POU4F2: variants seen among roughly 807,000 people sequenced by gnomAD.
POU4F2 encodes the protein POU class 4 homeobox 2, also known as POU domain, class 4, transcription factor 2.
Under a neutral mutation model 21.5 loss-of-function variants are expected in POU4F2, and 10 were observed. The observed-to-expected ratio is 0.46, with a 90% CI of 0.29 to 0.79. The LOEUF is 0.79. POU4F2 is among the 30% of genes least tolerant of loss of function. POU4F2 has a pLI of 0.10. For missense variants in POU4F2, 623 were observed against 603.3 expected, an observed-to-expected ratio of 1.03 and a Z score of -0.34; for synonymous variants, 324 against 271.1, an observed-to-expected ratio of 1.20 and a Z score of -1.92.
In POU4F2 at chr4:146,640,252, T is replaced by G; in HGVS notation, c.674T>G (p.Met225Arg). The G allele has an allele frequency of 6.3e-7, 1 of 1,581,212 alleles. No homozygotes were observed. The highest frequency in any genetic ancestry group is 8.6e-7 in the Non-Finnish European group (1 of 1,168,632). The stretch of plus-strand genomic sequence containing the variant: ...GCTCACGCGCCGCACATGGCCACCA[T>G]GAACCCCATGCACCAAGCAGCGCTC... ...TPAHAPHMAT[M>R]NPMHQAALSM... Residue 225 changes from methionine (M) to arginine (R), a missense_variant, in exon 2 of 2, where the codon ATG becomes AGG. Met to Arg is a moderately conservative substitution (Grantham distance 91). Transcript: ENST00000281321. This position sits in a 1 kb window ranked among gnomAD's most constrained non-coding sequence, Gnocchi z 4.8.
chr4:146,640,996 C>G lies in POU4F2; in HGVS notation c.*188C>G. On this transcript the variant is annotated 3_prime_UTR_variant, in exon 2 of 2. Transcript: ENST00000281321. The surrounding 1 kb of genome is among the most constrained non-coding windows in gnomAD (Gnocchi z 4.8). ...AGCCGGTGAGAATGTGAAACAGTTT[C>G]TCAAAGGAAAGAATAACAAAAGATG... is the stretch of plus-strand genomic sequence containing the variant. The G allele has an allele frequency of 1.7e-6, 1 of 590,770 alleles. No homozygotes were observed. The highest frequency in any genetic ancestry group is 1.9e-5 in the African/African-American group (1 of 52,066). The allele number at this position is 590,770 out of a possible 1,614,324, so 36.6% of individuals were successfully genotyped here.
Position 146,641,591 on chromosome 4 carries a change from A to T in POU4F2, c.*783A>T, listed in dbSNP as rs1313884526. ...ATGTATAGCTAGTAACGTTCAAAAAATTTTGTTTGATGAGTTTACCGAATT... is the reference window on the plus strand; with the variant it reads ...ATGTATAGCTAGTAACGTTCAAAAATTTTTGTTTGATGAGTTTACCGAATT... On this transcript the variant is annotated 3_prime_UTR_variant, in exon 2 of 2. Coordinates refer to ENST00000281321, the MANE Select transcript of POU4F2 (RefSeq NM_004575.3). The T allele has an allele frequency of 6.6e-6, 1 of 152,626 alleles. No individual in the cohort carries two copies. Among genetic ancestry groups the T allele is most frequent in the Non-Finnish European group, 1.5e-5 (1 of 68,042 alleles). The allele number at this position is 152,626 out of a possible 1,614,324, so 9.5% of individuals were successfully genotyped here.
chr4:146,639,239 G>A lies in POU4F2; in HGVS notation c.99G>A (p.Ser33=), dbSNP rs746499405. The change falls in exon 1 of 2, where the codon TCG becomes TCA. Residue 33 remains serine, a synonymous_variant. Coordinates refer to ENST00000281321, the MANE Select transcript of POU4F2 (RefSeq NM_004575.3). ...AGTACTCGGCACTGCACAGCACCTCGCCGGGCTCCTCGGCTCCCATCGCGC... is the reference window on the plus strand; with the variant it reads ...AGTACTCGGCACTGCACAGCACCTCACCGGGCTCCTCGGCTCCCATCGCGC... ...EPKYSALHST[S]PGSSAPIAPS... is the part of the protein sequence containing the mutation. The A allele has an allele frequency of 3.8e-6, 6 of 1,591,274 alleles. No individual in the cohort carries two copies. The highest frequency in any genetic ancestry group is 2.4e-5 in the East Asian group (1 of 42,012).
At position 146,640,163 on chromosome 4, in the gene POU4F2, C is replaced by T. The variant is rs1325873990; in HGVS notation, c.585C>T (p.His195=). 1 of 1,593,218 alleles carries T rather than the reference C, an allele frequency of 6.3e-7. No individual in the cohort carries two copies. Among genetic ancestry groups the T allele is most frequent in the Non-Finnish European group, 8.5e-7 (1 of 1,176,126 alleles). Residue 195 remains histidine, a synonymous_variant, in exon 2 of 2, where the codon CAC becomes CAT. Coordinates refer to ENST00000281321, the MANE Select transcript of POU4F2 (RefSeq NM_004575.3). The surrounding 1 kb of genome is among the most constrained non-coding windows in gnomAD (Gnocchi z 4.8). ...CGCTGGAGGGCGAGCTGCTGGAGCA[C>T]CTGAGTCCCGGGCTGGCCCTGGGCG... ...HQALEGELLE[H]LSPGLALGAM...
chr4:146,639,236 C>T lies in POU4F2; in HGVS notation c.96C>T (p.Thr32=), dbSNP rs140261687. Residue 32 remains threonine, a synonymous_variant, in exon 1 of 2, where the codon ACC becomes ACT. Transcript: ENST00000281321. ...CCAAGTACTCGGCACTGCACAGCAC[C>T]TCGCCGGGCTCCTCGGCTCCCATCG... is the stretch of plus-strand genomic sequence containing the variant. ...VEPKYSALHS[T]SPGSSAPIAP... 2.0e-5 allele frequency: 32 copies of T among 1,592,128 alleles called. No individual in the cohort carries two copies. Among genetic ancestry groups the T allele is most frequent in the African/African-American group, 9.6e-5 (7 of 72,650 alleles).
At position 146,640,607 on chromosome 4, in the gene POU4F2, G is replaced by T. The variant is rs370767940; in HGVS notation, c.1029G>T (p.Ala343=). ...KLTKPELFNG[A]EKKRKRTSIA... ...CCAAGCCTGAACTCTTCAATGGCGC[G>T]GAGAAGAAGCGCAAGCGCACGTCCA... Residue 343 remains alanine, a synonymous_variant, in exon 2 of 2, where the codon GCG becomes GCT. Transcript: ENST00000281321. The surrounding 1 kb of genome is among the most constrained non-coding windows in gnomAD (Gnocchi z 4.8). 8.7e-6 allele frequency: 14 copies of T among 1,613,994 alleles called. No homozygotes were observed. The African/African-American group carries it at 1.6e-4, about 18-fold the overall frequency.
rs181533280 is a variant in POU4F2 at position 146,639,522 on chromosome 4, C to A, written c.288+94C>A. ...TTTTCATGTCTGCACAGCAAATCAC[C>A]CCACACCTCCAACCAATTTTCCCCT... On this transcript the variant is annotated intron_variant, in intron 1 of 1. Transcript: ENST00000281321. 63 of 1,423,710 alleles carry A rather than the reference C, an allele frequency of 4.4e-5. No homozygotes were observed. In the African/African-American group the frequency reaches 9.3e-4, roughly 21 times the overall value. 88.2% of individuals were successfully genotyped at this position (1,423,710 alleles called of 1,614,324 possible).
At chr4:146,639,834 A>G (rs768095718) in intron 1 of POU4F2, 33 bp from the exon 2 acceptor site, 6 of 1,510,062 alleles carry the variant, frequency 4.0e-6, no homozygotes, top group Non-Finnish European at 5.3e-6. Flanking sequence ...TTCCCTGCTG[A>G]GCGTAATGTG....
Position 146,640,709 on chromosome 4 carries a change from C to T in POU4F2, c.1131C>T (p.Ala377=), listed in dbSNP as rs1391595033. ...QPRPSSEKIA[A]IAEKLDLKKN... Reference sequence around the variant, plus strand: ...GGCCCTCCTCTGAAAAGATCGCCGCCATCGCGGAGAAGCTGGACCTGAAGA... The same window carrying T: ...GGCCCTCCTCTGAAAAGATCGCCGCTATCGCGGAGAAGCTGGACCTGAAGA... Residue 377 remains alanine (A), a synonymous_variant, in exon 2 of 2, where the codon GCC becomes GCT. Transcript: ENST00000281321. The surrounding 1 kb of genome is among the most constrained non-coding windows in gnomAD (Gnocchi z 4.8). 2 of 1,614,140 alleles carry T rather than the reference C, an allele frequency of 1.2e-6. No individual in the cohort carries two copies. The highest frequency in any genetic ancestry group is 2.7e-5 in the African/African-American group (2 of 74,954).
Position 146,640,295 on chromosome 4 carries a change from C to A in POU4F2, c.717C>A (p.His239Gln), listed in dbSNP as rs373594627. The A allele has an allele frequency of 1.8e-4, 286 of 1,562,974 alleles. 1 individual carries two copies. In the South Asian group the frequency reaches 3.3e-3, roughly 18 times the overall value. Residue 239 changes from histidine (H) to glutamine (Q), a missense_variant, in exon 2 of 2, where the codon CAC (histidine) becomes CAA (glutamine). Coordinates refer to ENST00000281321, the MANE Select transcript of POU4F2 (RefSeq NM_004575.3). The surrounding 1 kb of genome is among the most constrained non-coding windows in gnomAD (Gnocchi z 4.8). ...HQAALSMAHAHGLPSHMGCMS... is the reference protein window; with the variant it reads ...HQAALSMAHAQGLPSHMGCMS... ...CAGCGCTCAGCATGGCCCACGCGCA[C>A]GGGCTGCCGTCGCACATGGGCTGCA...
chr4:146,640,364 C>G lies in POU4F2; in HGVS notation c.786C>G (p.Ala262=). 6.3e-7 allele frequency: 1 copy of G among 1,597,770 alleles called. No individual in the cohort carries two copies. Among genetic ancestry groups the G allele is most frequent in the Non-Finnish European group, 8.5e-7 (1 of 1,174,590 alleles). ...ACCCGCGGGACCTGGAGGCATTCGCCGAGCGCTTCAAGCAGCGACGCATCA... is the reference window on the plus strand; with the variant it reads ...ACCCGCGGGACCTGGAGGCATTCGCGGAGCGCTTCAAGCAGCGACGCATCA... ...DADPRDLEAF[A]ERFKQRRIKL... Residue 262 remains alanine, a synonymous_variant, in exon 2 of 2, where the codon GCC becomes GCG. Transcript: ENST00000281321. The surrounding 1 kb of genome is among the most constrained non-coding windows in gnomAD (Gnocchi z 4.8).
Position 146,640,275 on chromosome 4 carries a change from C to G in POU4F2, c.697C>G (p.Leu233Val). The change falls in exon 2 of 2, where the codon CTC becomes GTC. Residue 233 changes from leucine to valine, a missense_variant. By Grantham distance (32) the Leu-to-Val change is conservative. Around this residue, in one of 3 missense-constraint regions of POU4F2, gnomAD observed 523 missense variants for 504.1 expected, o/e 1.04. Transcript: ENST00000281321. The surrounding 1 kb of genome is among the most constrained non-coding windows in gnomAD (Gnocchi z 4.8). ...ATMNPMHQAA[L>V]SMAHAHGLPS... Reference sequence around the variant, plus strand: ...CATGAACCCCATGCACCAAGCAGCGCTCAGCATGGCCCACGCGCACGGGCT... The same window carrying G: ...CATGAACCCCATGCACCAAGCAGCGGTCAGCATGGCCCACGCGCACGGGCT... 1 of 1,568,686 alleles carries G rather than the reference C, an allele frequency of 6.4e-7. No homozygotes were observed.
At chr4:146,639,735 A>C in intron 1 of POU4F2, 132 bp from the exon 2 acceptor site, 2 of 973,108 alleles carry the variant, frequency 2.1e-6, no homozygotes, top group Non-Finnish European at 2.9e-6. Context: ...CAGGATTATT[A>C]TTATTATTAT....
At position 146,640,564 on chromosome 4, in the gene POU4F2, C is replaced by T. The variant is rs1389662811; in HGVS notation, c.986C>T (p.Ser329Phe). Residue 329 changes from serine (S) to phenylalanine (F), a missense_variant, in exon 2 of 2, where the codon TCC becomes TTC. By Grantham distance (155) the Ser-to-Phe change is radical (BLOSUM62 -2). Coordinates refer to ENST00000281321, the MANE Select transcript of POU4F2 (RefSeq NM_004575.3). This position sits in a 1 kb window ranked among gnomAD's most constrained non-coding sequence, Gnocchi z 4.8. Reference protein sequence around the residue: ...LQAWLEEAEKSHREKLTKPEL... With the variant: ...LQAWLEEAEKFHREKLTKPEL... ...GCATGGCTCGAGGAGGCCGAGAAGT[C>T]CCACCGCGAGAAGCTCACCAAGCCT... is the stretch of plus-strand genomic sequence containing the variant. 1 of 1,613,574 alleles carries T rather than the reference C, an allele frequency of 6.2e-7. No homozygotes were observed. The highest frequency in any genetic ancestry group is 1.3e-5 in the African/African-American group (1 of 74,930).
In POU4F2 at chr4:146,640,108, A is replaced by G. The variant is rs768379922; in HGVS notation, c.530A>G (p.His177Arg). 6 of 1,590,800 alleles carry G rather than the reference A, an allele frequency of 3.8e-6. No individual in the cohort carries two copies. The highest frequency in any genetic ancestry group is 4.3e-6 in the Non-Finnish European group (5 of 1,174,636). The change falls in exon 2 of 2, where the codon CAC (histidine) becomes CGC (arginine). Residue 177 changes from histidine (H) to arginine (R), a missense_variant. Transcript: ENST00000281321. The surrounding 1 kb of genome is among the most constrained non-coding windows in gnomAD (Gnocchi z 4.8). ...GGCACGCACCACCACCACCACCATC[A>G]CCACCACCACCACCACCAACCGCAC... ...LAGTHHHHHHHHHHHHQPHQA... is the reference protein window; with the variant it reads ...LAGTHHHHHHRHHHHHQPHQA...
At position 146,639,188 on chromosome 4, in the gene POU4F2, C is replaced by A. The variant is rs369358968; in HGVS notation, c.48C>A (p.His16Gln). ...GCAAGCAGGCGTTTAGCATGCCGCA[C>A]GGCGGCAGCCTGCACGTGGAGCCCA... ...LNSKQAFSMP[H>Q]GGSLHVEPKY... Residue 16 changes from histidine to glutamine, a missense_variant, in exon 1 of 2, where the codon CAC (histidine) becomes CAA (glutamine). His to Gln is a conservative substitution (Grantham distance 24). Around this residue, in one of 3 missense-constraint regions of POU4F2, gnomAD observed 94 missense variants for 74.1 expected, o/e 1.27. Transcript: ENST00000281321. 32 of 1,606,272 alleles carry A rather than the reference C, an allele frequency of 2.0e-5. No individual in the cohort carries two copies. Among genetic ancestry groups the A allele is most frequent in the Non-Finnish European group, 2.4e-5 (28 of 1,177,160 alleles).
At position 146,642,374 on chromosome 4, in the gene POU4F2, G is replaced by T. The variant is rs754792419; in HGVS notation, c.*1566G>T. 6 of 152,092 alleles carry T rather than the reference G, an allele frequency of 3.9e-5. No homozygotes were observed. The highest frequency in any genetic ancestry group is 8.8e-5 in the Non-Finnish European group (6 of 68,004). The allele number at this position is 152,092 out of a possible 1,614,324, so 9.4% of individuals were successfully genotyped here. A position where few individuals can be genotyped will look rare whatever the true frequency, so the allele number is the denominator to read the frequency against. ...AATGTATTAATTTATTTTTGGTGTT[G>T]TTCGATTGTCTTTCATTGAAGAGAT... On this transcript the variant is annotated 3_prime_UTR_variant, in exon 2 of 2. Transcript: ENST00000281321.
In POU4F2 at chr4:146,640,654, C is replaced by A; in HGVS notation, c.1076C>A (p.Ser359Ter). ...RTSIAAPEKR[S>*]LEAYFAIQPR... ...TCCATCGCTGCGCCAGAGAAGCGCTCGCTCGAAGCCTACTTTGCCATTCAG... is the reference window on the plus strand; with the variant it reads ...TCCATCGCTGCGCCAGAGAAGCGCTAGCTCGAAGCCTACTTTGCCATTCAG... Residue 359 changes from serine (S) to a stop codon, truncating the protein, a stop_gained, in exon 2 of 2, where the codon TCG becomes TAG. Transcript: ENST00000281321. LOFTEE classifies it high-confidence loss of function. This position sits in a 1 kb window ranked among gnomAD's most constrained non-coding sequence, Gnocchi z 4.8. The A allele has an allele frequency of 6.2e-7, 1 of 1,614,262 alleles. No homozygotes were observed. The highest frequency in any genetic ancestry group is 1.1e-5 in the South Asian group (1 of 91,088).
At position 146,640,154 on chromosome 4, in the gene POU4F2, G is replaced by A; in HGVS notation, c.576G>A (p.Leu192=). Residue 192 remains leucine (L), a synonymous_variant, in exon 2 of 2, where the codon CTG becomes CTA. Transcript: ENST00000281321. The surrounding 1 kb of genome is among the most constrained non-coding windows in gnomAD (Gnocchi z 4.8). The part of the protein sequence containing the change: ...HQPHQALEGE[L]LEHLSPGLAL... ...CGCACCAGGCGCTGGAGGGCGAGCT[G>A]CTGGAGCACCTGAGTCCCGGGCTGG... The A allele has an allele frequency of 6.3e-7, 1 of 1,594,772 alleles. No homozygotes were observed. The highest frequency in any genetic ancestry group is 1.3e-5 in the African/African-American group (1 of 74,826).
Sources: allele counts gnomAD v4.1 joint callset, GRCh38; gene constraint gnomAD v4.1.1; regional missense constraint gnomAD v4.1.1; non-coding constraint Gnocchi (gnomAD v3.1); transcripts MANE v1.5; gene names NCBI Gene and HGNC (gene_info 2026-07-23, HGNC 2026-07-21).